Variants in SQSTM1 observed in about 807,000 individuals in gnomAD.
SQSTM1 encodes sequestosome 1, also known as sequestosome-1.
SQSTM1 carries 36 observed loss-of-function variants against 45.1 expected under a neutral mutation model. The observed-to-expected ratio is 0.80, with a 90% CI of 0.61 to 1.05. The LOEUF (loss-of-function observed/expected upper bound fraction) is 1.05. Among genes scored for constraint, SQSTM1 ranks in the 50% least tolerant of loss-of-function variants. The pLI, the probability that SQSTM1 is intolerant of heterozygous loss-of-function variation, is 0.00. For missense variants in SQSTM1, 617 were observed against 607.1 expected (o/e 1.02, Z -0.17); for synonymous variants, 290 against 244.3 (o/e 1.19, Z -1.74).
chr5:179,820,971 G>T lies in SQSTM1; in HGVS notation c.35G>T (p.Gly12Val), dbSNP rs866832054. ...CTCACCGTGAAGGCCTACCTTCTGG[G>T]CAAGGAGGACGCGGCGCGCGAGATT... ...ASLTVKAYLL[G>V]KEDAAREIRR... The change falls in exon 1 of 8, where the codon GGC becomes GTC. Residue 12 changes from glycine to valine, a missense_variant. Coordinates refer to ENST00000389805, the MANE Select transcript of SQSTM1 (RefSeq NM_003900.5). The T allele has an allele frequency of 6.3e-7, 1 of 1,575,784 alleles. No individual in the cohort carries two copies. The highest frequency in any genetic ancestry group is 8.5e-7 in the Non-Finnish European group (1 of 1,169,712).
Position 179,827,519 on chromosome 5 carries a change from C to T in SQSTM1, c.754+2293C>T, listed in dbSNP as rs184684364. 9.4e-4 allele frequency among the ~76,000 whole-genome samples: 143 copies of T among 152,088 alleles called. 1 individual carries two copies. The East Asian group carries it at 0.024, about 25-fold the overall frequency. On this transcript the variant is annotated intron_variant, in intron 5 of 7. Transcript: ENST00000389805. The stretch of plus-strand genomic sequence containing the variant: ...CAGGATGGTCTCGATATCCTGACCT[C>T]GTGATCCACCCGCCTCAGCCTCCCC...
chr5:179,814,136 CAG>C (rs1289634040), upstream of SQSTM1, among the ~76,000 whole-genome samples: 1 of 152,166 alleles, frequency 6.6e-6, no homozygotes, highest in African/African-American at 2.4e-5. Flanking sequence ...AAACAAAAAA[CAG>C]AAAGCTATAC....
At chr5:179,808,760 CT>C (rs746704874) in intron 1 of SQSTM1, among the ~76,000 whole-genome samples, 13 of 152,238 alleles carry the variant, frequency 8.5e-5, no homozygotes, top group South Asian at 6.2e-4. Flanking sequence ...CAAGACCAGC[CT>C]GGGCAACATA....
At position 179,838,072 on chromosome 5, in the gene SQSTM1, C is replaced by T. The variant is rs1758692874; in HGVS notation, c.*1479C>T. 3.3e-6 allele frequency: 2 copies of T among 605,986 alleles called. No individual in the cohort carries two copies. The highest frequency in any genetic ancestry group is 5.8e-6 in the Non-Finnish European group (2 of 344,326). 37.5% of individuals were successfully genotyped at this position (605,986 alleles called of 1,614,324 possible). ...AAGCAAATAAATGCCTTCCACCTCA[C>T]CGCAAACCTTCTGCTAAATTGCATG... On this transcript the variant is annotated 3_prime_UTR_variant, in exon 8 of 8. Transcript: ENST00000389805.
At chr5:179,832,963 C>T in intron 5 of SQSTM1, 69 bp from the exon 6 acceptor site, 1 of 1,513,282 alleles carries the variant, frequency 6.6e-7, no homozygotes, top group Non-Finnish European at 9.2e-7. Flanking sequence ...TCTCCACAGG[C>T]CAAGCTCCTG....
chr5:179,822,087 G>C (rs1184887634), intron 1 of SQSTM1, among the ~76,000 whole-genome samples: 1 of 152,134 alleles, frequency 6.6e-6, no homozygotes, highest in South Asian at 2.1e-4. Context: ...CCTTATAAAC[G>C]CCATACATAC....
chr5:179,809,753 C>T (rs556166360), intron 1 of SQSTM1, among the ~76,000 whole-genome samples: 1 of 149,236 alleles, frequency 6.7e-6, no homozygotes, highest in South Asian at 2.1e-4. Flanking sequence ...AAGCGATTCT[C>T]CTGCCTCAGC....
At chr5:179,824,453 A>G (rs895293267) in intron 4 of SQSTM1, 130 bp downstream of exon 4, 17 of 1,349,184 alleles carry the variant, frequency 1.3e-5, no homozygotes, top group Middle Eastern at 1.9e-4. Flanking sequence ...GTGCCCTACA[A>G]TCACACAAGA....
intron 1 of SQSTM1, chr5:179,822,725 C>T (rs1235356712): frequency 1.7e-6 from 1 of 586,686 alleles, no homozygotes; most frequent in Non-Finnish European, 3.2e-6. Context: ...CACAGGCCCT[C>T]CGCCCCCTGC....
rs899005651 is a variant in SQSTM1 at position 179,812,324 on chromosome 5, A to G, written c.-48+642A>G. The G allele has an allele frequency of 7.9e-5, 12 of 152,208 alleles. 1 individual carries two copies. The highest frequency in any genetic ancestry group is 7.2e-4 in the Admixed American group (11 of 15,282). 9.4% of individuals were successfully genotyped at this position (152,208 alleles called of 1,614,324 possible). A position where few individuals can be genotyped will look rare whatever the true frequency, so the allele number is the denominator to read the frequency against. On this transcript the variant is annotated intron_variant, in intron 2 of 5. Coordinates refer to the SQSTM1 transcript ENST00000514093. ...AGCGGGTCGTACTGCAGGCCTGCAG[A>G]AAGGCTGGGGTTCCTCTCCTTTTCG...
chr5:179,836,365 G>C, intron 7 of SQSTM1, 71 bp from the exon 8 acceptor site: 4 of 1,606,428 alleles, frequency 2.5e-6, no homozygotes, highest in Non-Finnish European at 3.4e-6. Flanking sequence ...GGCCAAGGCA[G>C]CAGGGTATGT....
At chr5:179,824,142 A>G (rs1038459122) in intron 3 of SQSTM1, 40 bp from the exon 4 acceptor site, 42 of 1,613,216 alleles carry the variant, frequency 2.6e-5, no homozygotes, top group Non-Finnish European at 3.4e-5. Flanking sequence ...AGGAACCTTG[A>G]CCCGCTCACT....
chr5:179,837,450 G>C lies in SQSTM1; in HGVS notation c.*857G>C, dbSNP rs763677235. ...AAGAGGTCACATAGTCGTGTGGGTC[G>C]AGGATTCTGTGCCTCCAGGACCAGG... On this transcript the variant is annotated 3_prime_UTR_variant, in exon 8 of 8. Coordinates refer to ENST00000389805, the MANE Select transcript of SQSTM1 (RefSeq NM_003900.5). 1.9e-6 allele frequency: 3 copies of C among 1,611,204 alleles called. No individual in the cohort carries two copies. The highest frequency in any genetic ancestry group is 2.5e-6 in the Non-Finnish European group (3 of 1,178,402).
rs1582022359 is a variant in SQSTM1 at position 179,833,658 on chromosome 5, C to T, written c.1041C>T (p.Asp347=). The T allele has an allele frequency of 6.2e-7, 1 of 1,614,132 alleles. No individual in the cohort carries two copies. The highest frequency in any genetic ancestry group is 8.5e-7 in the Non-Finnish European group (1 of 1,180,022). Residue 347 remains aspartate, a synonymous_variant, in exon 7 of 8, where the codon GAC becomes GAT. Transcript: ENST00000389805. ...CCCATCTGTCTTCAAAAGAAGTGGA[C>T]CCGTCTACAGGTGAACTCCAGTCCC... ...DWTHLSSKEV[D]PSTGELQSLQ...
chr5:179,827,677 G>A (rs963723186), intron 5 of SQSTM1, among the ~76,000 whole-genome samples: 2 of 152,216 alleles, frequency 1.3e-5, no homozygotes, highest in African/African-American at 4.8e-5. Context: ...TACAAACAAG[G>A]AATATTTCAG....
At chr5:179,814,384 G>C (rs1428521357), upstream of SQSTM1, among the ~76,000 whole-genome samples, 1 of 152,116 alleles carries the variant, frequency 6.6e-6, no homozygotes, top group Non-Finnish European at 1.5e-5. Context: ...GGCCCTTCTG[G>C]GTTCACAATT....
At chr5:179,832,910 C>A in intron 5 of SQSTM1, 122 bp from the exon 6 acceptor site, 1 of 1,007,696 alleles carries the variant, frequency 9.9e-7, no homozygotes, top group Non-Finnish European at 1.5e-6. Context: ...AGACACTTAG[C>A]TGCTTGTGGG....
intron 2 of SQSTM1, chr5:179,811,933 T>G (rs1757426589): frequency 6.6e-6 from 1 of 152,154 alleles, no homozygotes; most frequent in South Asian, 2.1e-4. Context: ...GCCTCCTGAG[T>G]AGCTGGGACT....
intron 5 of SQSTM1, among the ~76,000 whole-genome samples, chr5:179,828,934 A>G (rs1758105802): frequency 6.6e-6 from 1 of 152,116 alleles, no homozygotes; most frequent in Admixed American, 6.5e-5. Context: ...AAGCTTCAGA[A>G]ATCTCTGTGC....
Sources: allele counts gnomAD v4.1 joint callset (sites outside exome capture counted in the v4.1 genomes callset), GRCh38; gene constraint gnomAD v4.1.1; transcripts MANE v1.5; gene names NCBI Gene and HGNC (gene_info 2026-07-23, HGNC 2026-07-21).